Variants in KHDRBS3 observed in about 807,000 individuals in gnomAD.
The protein encoded by KHDRBS3 is KH domain-containing, RNA-binding, signal transduction-associated protein 3.
Under a neutral mutation model 45.6 loss-of-function variants are expected in KHDRBS3, and 23 were observed. The ratio of observed to expected loss-of-function variants is 0.50; its 90% CI spans 0.36 to 0.72. The LOEUF is 0.72. KHDRBS3 is among the 30% of genes least tolerant of loss of function. KHDRBS3 has a pLI of 0.00. For synonymous variants in KHDRBS3, 162 were observed against 156.5 expected, an observed-to-expected ratio of 1.04 and a Z score of -0.26; for missense variants, 352 against 424.8, an observed-to-expected ratio of 0.83 and a Z score of 1.51.
chr8:135,609,974 C>T (rs1470025997), intron 7 of KHDRBS3, among the ~76,000 whole-genome samples: 1 of 151,800 alleles, frequency 6.6e-6, no homozygotes, highest in African/African-American at 2.4e-5. Flanking sequence ...AGGCATCAAC[C>T]CCGTCCTATA....
chr8:135,641,662 CCT>C (rs1211232257), intron 7 of KHDRBS3, among the ~76,000 whole-genome samples: 2 of 152,176 alleles, frequency 1.3e-5, no homozygotes, highest in African/African-American at 2.4e-5. Flanking sequence ...TAGACCAGCC[CCT>C]GATTTGGCAG....
chr8:135,473,551 C>T (rs1460621156), intron 1 of KHDRBS3, among the ~76,000 whole-genome samples: 1 of 152,082 alleles, frequency 6.6e-6, no homozygotes. Context: ...TATTAACAAA[C>T]TTTGGCCACA....
At chr8:135,629,955 A>T (rs1830525930) in intron 7 of KHDRBS3, among the ~76,000 whole-genome samples, 1 of 152,210 alleles carries the variant, frequency 6.6e-6, no homozygotes, top group Non-Finnish European at 1.5e-5. Context: ...ATGGGCAGAA[A>T]CACCTCCCGA....
intron 1 of KHDRBS3, among the ~76,000 whole-genome samples, chr8:135,496,267 C>CT (rs1823443444): frequency 6.6e-6 from 1 of 151,600 alleles, no homozygotes; most frequent in African/African-American, 2.4e-5. Flanking sequence ...GAGTCTTGCT[C>CT]TGATGCCCAG....
At chr8:135,495,574 A>G (rs935645391) in intron 1 of KHDRBS3, among the ~76,000 whole-genome samples, 2 of 152,188 alleles carry the variant, frequency 1.3e-5, no homozygotes, top group Non-Finnish European at 2.9e-5. Context: ...AGTAAACAGC[A>G]CTTTTACTCC....
rs926151373 is a variant in KHDRBS3, at chr8:135,467,175, T to G, written c.88+9221T>G. On this transcript the variant is annotated intron_variant, in intron 1 of 8. Transcript: ENST00000355849. ...AGATTAAATGACAGTGGTTTCGTAT[T>G]TGTTTAATTTCACTATAAATTTTTA... 3.3e-5 allele frequency among the ~76,000 whole-genome samples: 5 copies of G among 152,256 alleles called. No individual in the cohort carries two copies. In the South Asian group the frequency reaches 1.0e-3, roughly 31 times the overall value.
intron 6 of KHDRBS3, among the ~76,000 whole-genome samples, chr8:135,583,217 T>G (rs2130930284): frequency 6.6e-6 from 1 of 152,306 alleles, no homozygotes; most frequent in South Asian, 2.1e-4. Context: ...ATGGATAGCT[T>G]TTATCTCTTT....
At chr8:135,530,493 T>G (rs1825418633) in intron 2 of KHDRBS3, among the ~76,000 whole-genome samples, 1 of 152,210 alleles carries the variant, frequency 6.6e-6, no homozygotes, top group South Asian at 2.1e-4. Context: ...GGCAGACTGA[T>G]AATCATGGTT....
At chr8:135,516,994 A>T (rs1824643531) in intron 1 of KHDRBS3, among the ~76,000 whole-genome samples, 1 of 152,184 alleles carries the variant, frequency 6.6e-6, no homozygotes, top group African/African-American at 2.4e-5. Context: ...ATATTAGTGG[A>T]CTTTAGTATA....
chr8:135,579,864 A>G (rs1483539543), intron 5 of KHDRBS3, among the ~76,000 whole-genome samples: 2 of 152,096 alleles, frequency 1.3e-5, no homozygotes, highest in Non-Finnish European at 2.9e-5. Context: ...TATGGAATGG[A>G]GTTTGCTAAT....
rs535853522 is a variant in KHDRBS3, at chr8:135,572,847, C to T, written c.612-9031C>T. 3.3e-5 allele frequency among the ~76,000 whole-genome samples: 5 copies of T among 152,338 alleles called. No individual in the cohort carries two copies. The South Asian group carries it at 8.3e-4, about 25-fold the overall frequency. ...AAGAGACTATAACTGTAGGCTGTTT[C>T]GCCTTTTCCTTTTGTCAGCCTTCTC... On this transcript the variant is annotated intron_variant, in intron 5 of 8. Coordinates refer to ENST00000355849, the MANE Select transcript of KHDRBS3 (RefSeq NM_006558.3).
At chr8:135,509,354 T>C (rs1200628783) in intron 1 of KHDRBS3, among the ~76,000 whole-genome samples, 1 of 152,100 alleles carries the variant, frequency 6.6e-6, no homozygotes, top group East Asian at 1.9e-4. Context: ...ATTTATTAGG[T>C]GTGGGAAAAA....
intron 1 of KHDRBS3, chr8:135,458,499 G>A (rs1821241407): frequency 4.0e-6 from 1 of 249,396 alleles, no homozygotes; most frequent in Admixed American, 5.1e-5. Flanking sequence ...GAGGAGCTCC[G>A]TGGTCCCAGG....
At chr8:135,547,308 T>C (rs1826355836) in intron 3 of KHDRBS3, among the ~76,000 whole-genome samples, 1 of 152,194 alleles carries the variant, frequency 6.6e-6, no homozygotes, top group African/African-American at 2.4e-5. Flanking sequence ...CTAGCATGTA[T>C]TGGTGCCTAT....
intron 6 of KHDRBS3, among the ~76,000 whole-genome samples, chr8:135,595,668 T>C (rs1285636023): frequency 6.6e-6 from 1 of 152,228 alleles, no homozygotes; most frequent in East Asian, 1.9e-4. Flanking sequence ...CCATTTCCCC[T>C]TCACAGTGGG....
chr8:135,622,632 C>CA (rs1371569270), intron 7 of KHDRBS3, among the ~76,000 whole-genome samples: 1 of 152,122 alleles, frequency 6.6e-6, no homozygotes, highest in East Asian at 1.9e-4. Context: ...GAAATCTCCT[C>CA]AAAAAGATAT....
At chr8:135,525,158 G>T (rs1396620488) in intron 2 of KHDRBS3, among the ~76,000 whole-genome samples, 2 of 152,278 alleles carry the variant, frequency 1.3e-5, no homozygotes, top group East Asian at 1.9e-4. Flanking sequence ...TTTCGCGGAA[G>T]AATTTTGATA....
intron 2 of KHDRBS3, chr8:135,542,281 T>C (rs1264575678): frequency 5.7e-6 from 1 of 176,516 alleles, no homozygotes; most frequent in Non-Finnish European, 1.2e-5. Context: ...TAGTGCATGT[T>C]AGAGACACCT....
chr8:135,644,406 C>G (rs1450750711), intron 7 of KHDRBS3, among the ~76,000 whole-genome samples: 1 of 152,208 alleles, frequency 6.6e-6, no homozygotes, highest in Non-Finnish European at 1.5e-5. Context: ...CCCTGCTCTC[C>G]TGTCCCATGT....
Sources: gnomAD v4.1 joint callset for allele counts (sites outside exome capture counted in the v4.1 genomes callset) on GRCh38, gnomAD v4.1.1 for gene constraint, MANE v1.5 for transcripts, NCBI Gene and HGNC (gene_info 2026-07-23, HGNC 2026-07-21) for gene names.